CTNND2: variants seen among roughly 807,000 people sequenced by gnomAD.
The protein encoded by CTNND2 is catenin delta 2.
CTNND2 carries 22 observed loss-of-function variants against 144.4 expected under a neutral mutation model. The observed-to-expected ratio is 0.15, with a 90% CI of 0.11 to 0.22. The LOEUF is 0.22. CTNND2 is among the 10% of genes least tolerant of loss of function. CTNND2 has a pLI of 1.00. For synonymous variants in CTNND2, 751 were observed against 695.6 expected (o/e 1.08, Z -1.25); for missense variants, 1,353 against 1,618.8 (o/e 0.84, Z 2.82).
chr5:11,764,867 C>T (rs1789488664), intron 1 of CTNND2, among the ~76,000 whole-genome samples: 1 of 151,776 alleles, frequency 6.6e-6, no homozygotes, highest in Non-Finnish European at 1.5e-5. Flanking sequence ...TACTGCAGAC[C>T]CAATGCACAT....
intron 1 of CTNND2, among the ~76,000 whole-genome samples, chr5:11,850,416 T>C (rs1794958631): frequency 1.3e-5 from 2 of 152,308 alleles, no homozygotes; most frequent in Admixed American, 6.5e-5. Context: ...CAACTTCTCA[T>C]TGATATAGAA....
At chr5:10,997,092 T>C (rs1398632890) in intron 18 of CTNND2, among the ~76,000 whole-genome samples, 1 of 151,572 alleles carries the variant, frequency 6.6e-6, no homozygotes, top group African/African-American at 2.4e-5. Flanking sequence ...AAGTTACAAA[T>C]AAATGCCTCC....
chr5:11,836,239 C>T (rs1794167850), intron 1 of CTNND2, among the ~76,000 whole-genome samples: 1 of 152,002 alleles, frequency 6.6e-6, no homozygotes, highest in Non-Finnish European at 1.5e-5. Flanking sequence ...TAAAGTACAA[C>T]ATAAAAAAGC....
rs1282608274 is a variant in CTNND2, at chr5:11,375,111, T to C, written c.1177+9554A>G. Among the ~76,000 whole-genome samples the C allele has an allele frequency of 3.3e-5, 5 of 152,324 alleles. No individual in the cohort carries two copies. The South Asian group carries it at 8.3e-4, about 25-fold the overall frequency. On this transcript the variant is annotated intron_variant, in intron 7 of 21. Transcript: ENST00000304623. ...CTAAACAGAGGCCTTTTTCCTCAGA[T>C]TGCATAAGATAGGTAATAGGTAGGC...
At chr5:11,086,482 G>A (rs369079960) in intron 15 of CTNND2, among the ~76,000 whole-genome samples, 1 of 152,182 alleles carries the variant, frequency 6.6e-6, no homozygotes, top group South Asian at 2.1e-4. Context: ...GCAGACTGAC[G>A]GGACTGGGAA....
chr5:11,346,634 C>T lies in CTNND2; in HGVS notation c.1373-7G>A. 1.4e-6 allele frequency: 2 copies of T among 1,468,718 alleles called. No individual in the cohort carries two copies. Among genetic ancestry groups the T allele is most frequent in the Admixed American group, 2.4e-5 (1 of 42,186 alleles). 91.0% of individuals were successfully genotyped at this position (1,468,718 alleles called of 1,614,324 possible). ...ACACCAGGGGAAGATGGGGCTACGA[C>T]AGGAAAGTAGGGACAAAGTAAAAAA... On this transcript the variant is annotated splice_region_variant and splice_polypyrimidine_tract_variant and intron_variant, in intron 8 of 21. Transcript: ENST00000304623.
chr5:11,291,847 T>C (rs1414760575), intron 9 of CTNND2, among the ~76,000 whole-genome samples: 1 of 152,220 alleles, frequency 6.6e-6, no homozygotes, highest in South Asian at 2.1e-4. Flanking sequence ...TATTTCCTGA[T>C]GTCTTGCAAA....
intron 1 of CTNND2, among the ~76,000 whole-genome samples, chr5:11,849,867 G>A (rs1375141449): frequency 2.6e-5 from 4 of 152,142 alleles, no homozygotes; most frequent in Non-Finnish European, 4.4e-5. Flanking sequence ...ACCCAGAATG[G>A]CTGAGTAGGA....
intron 6 of CTNND2, among the ~76,000 whole-genome samples, chr5:11,385,578 A>G (rs762464619): frequency 4.6e-5 from 7 of 152,106 alleles, no homozygotes; most frequent in Non-Finnish European, 8.8e-5. Flanking sequence ...GGCAATCATG[A>G]TCTCCCTGGT....
intron 9 of CTNND2, among the ~76,000 whole-genome samples, chr5:11,260,935 T>C (rs1170762705): frequency 2.0e-5 from 3 of 152,118 alleles, no homozygotes; most frequent in Admixed American, 6.5e-5. Context: ...TTCTGACATA[T>C]CCGTAATTAT....
At chr5:11,842,830 C>A (rs1794541622) in intron 1 of CTNND2, among the ~76,000 whole-genome samples, 1 of 152,062 alleles carries the variant, frequency 6.6e-6, no homozygotes, top group Non-Finnish European at 1.5e-5. Context: ...TTTAATTTCA[C>A]CTGTTTCTAT....
intron 1 of CTNND2, among the ~76,000 whole-genome samples, chr5:11,832,750 G>C (rs1793974592): frequency 6.6e-6 from 1 of 152,160 alleles, no homozygotes; most frequent in Non-Finnish European, 1.5e-5. Flanking sequence ...AGACCAGCTT[G>C]AGCAATATGG....
At chr5:11,199,404 GT>G in intron 11 of CTNND2, 43 bp downstream of exon 11, 1 of 1,548,400 alleles carries the variant, frequency 6.5e-7, no homozygotes, top group Non-Finnish European at 8.9e-7. Flanking sequence ...ATAATGGAAA[GT>G]TTATCTTGAG....
chr5:11,673,914 T>C (rs1218076356), intron 2 of CTNND2, among the ~76,000 whole-genome samples: 1 of 152,170 alleles, frequency 6.6e-6, no homozygotes, highest in Non-Finnish European at 1.5e-5. Flanking sequence ...AGGGTTTTGA[T>C]TTGTGCATGT....
At chr5:11,204,187 T>A (rs1425021810) in intron 10 of CTNND2, among the ~76,000 whole-genome samples, 1 of 152,202 alleles carries the variant, frequency 6.6e-6, no homozygotes, top group Non-Finnish European at 1.5e-5. Context: ...ACCAATCAAA[T>A]AAAGCAAAAC....
intron 3 of CTNND2, among the ~76,000 whole-genome samples, chr5:11,530,776 T>C (rs192213770): frequency 2.0e-5 from 3 of 152,310 alleles, no homozygotes; most frequent in Admixed American, 1.3e-4. Flanking sequence ...TTCCCTTTTG[T>C]ACTTAGCAAA....
chr5:11,531,116 T>A (rs185754462), intron 3 of CTNND2, among the ~76,000 whole-genome samples: 40 of 152,342 alleles, frequency 2.6e-4, no homozygotes, highest in African/African-American at 9.6e-4. Context: ...CTGATCATTC[T>A]GAATTTACAA....
intron 1 of CTNND2, among the ~76,000 whole-genome samples, chr5:11,849,212 T>TCC: frequency 6.6e-6 from 1 of 152,184 alleles, no homozygotes; most frequent in East Asian, 1.9e-4. Flanking sequence ...AAGGGGTTTC[T>TCC]CCTTATAAAA....
At chr5:11,854,479 T>C (rs1291278638) in intron 1 of CTNND2, among the ~76,000 whole-genome samples, 4 of 152,238 alleles carry the variant, frequency 2.6e-5, no homozygotes, top group Admixed American at 2.0e-4. Flanking sequence ...ATTTATTTAC[T>C]TTATAAATTA....
Sources: allele counts gnomAD v4.1 joint callset (sites outside exome capture counted in the v4.1 genomes callset), GRCh38; gene constraint gnomAD v4.1.1; transcripts MANE v1.5; gene names NCBI Gene and HGNC (gene_info 2026-07-23, HGNC 2026-07-21).